Variants in FAM107B observed in about 807,000 individuals in gnomAD.
FAM107B encodes the protein family with sequence similarity 107 member B, also known as protein FAM107B.
A neutral mutation model predicts 31.5 loss-of-function variants in FAM107B; 21 were observed. The ratio of observed to expected loss-of-function variants is 0.67; its 90% CI spans 0.47 to 0.96. FAM107B has a LOEUF of 0.96. Among genes scored for constraint, FAM107B ranks in the 40% least tolerant of loss-of-function variants. The pLI, the probability that FAM107B is intolerant of heterozygous loss-of-function variation, is 0.00. For synonymous variants in FAM107B, 157 were observed against 141.5 expected (o/e 1.11, Z -0.78); for missense variants, 452 against 377.1 (o/e 1.20, Z -1.64).
At chr10:14,707,588 C>T (rs914578095) in intron 1 of FAM107B, among the ~76,000 whole-genome samples, 4 of 152,188 alleles carry the variant, frequency 2.6e-5, no homozygotes, top group African/African-American at 9.6e-5. Context: ...TATTGTAACT[C>T]ACAGGGCATG....
intron 1 of FAM107B, among the ~76,000 whole-genome samples, chr10:14,734,488 G>GTGTTTTTTTTTTTTTTTTTTTTT: frequency 7.2e-6 from 1 of 138,546 alleles, no homozygotes; most frequent in Non-Finnish European, 1.6e-5. Flanking sequence ...TTTTTGTGAG[G>GTGTTTTTTTTTTTTTTTTTTTTT]TTTTTTTTTT....
At chr10:14,670,639 C>A (rs1854517509) in intron 1 of FAM107B, among the ~76,000 whole-genome samples, 1 of 152,182 alleles carries the variant, frequency 6.6e-6, no homozygotes, top group South Asian at 2.1e-4. Context: ...GCTCTGAATT[C>A]CAGAACTGTG....
intron 2 of FAM107B, among the ~76,000 whole-genome samples, chr10:14,539,451 C>CTA (rs1334550434): frequency 6.6e-6 from 1 of 151,954 alleles, no homozygotes; most frequent in African/African-American, 2.4e-5. Flanking sequence ...GAGGCATTTT[C>CTA]TATATTGTCC....
chr10:14,637,120 A>G (rs748056230), intron 2 of FAM107B, among the ~76,000 whole-genome samples: 1 of 152,148 alleles, frequency 6.6e-6, no homozygotes, highest in Admixed American at 6.5e-5. Flanking sequence ...GAGACAAACA[A>G]GCTTCATCGG....
intron 1 of FAM107B, among the ~76,000 whole-genome samples, chr10:14,767,296 T>C (rs1833202880): frequency 6.6e-6 from 1 of 151,362 alleles, no homozygotes; most frequent in Non-Finnish European, 1.5e-5. Context: ...TTCACCATGC[T>C]GGCCAGGCTG....
chr10:14,666,409 C>T (rs1340933847), intron 2 of FAM107B, among the ~76,000 whole-genome samples: 1 of 152,112 alleles, frequency 6.6e-6, no homozygotes, highest in African/African-American at 2.4e-5. Context: ...CATGAGAACT[C>T]ACTCACTATC....
At chr10:14,559,238 G>A (rs1215738973) in intron 2 of FAM107B, among the ~76,000 whole-genome samples, 1 of 152,186 alleles carries the variant, frequency 6.6e-6, no homozygotes, top group Admixed American at 6.5e-5. Context: ...AGGGCAGGAC[G>A]GGGAGAACTG....
chr10:14,607,643 A>T (rs1482544409), intron 2 of FAM107B, among the ~76,000 whole-genome samples: 2 of 152,178 alleles, frequency 1.3e-5, no homozygotes, highest in African/African-American at 2.4e-5. Flanking sequence ...GAATGTAGAC[A>T]GGACTCTGGA....
intron 2 of FAM107B, among the ~76,000 whole-genome samples, chr10:14,658,415 T>C (rs988871005): frequency 2.0e-5 from 3 of 152,248 alleles, no homozygotes; most frequent in Non-Finnish European, 2.9e-5. Context: ...GTCTGACCCA[T>C]GTCTGACTCA....
At chr10:14,528,559 T>C (rs1846588650) in intron 3 of FAM107B, among the ~76,000 whole-genome samples, 1 of 152,154 alleles carries the variant, frequency 6.6e-6, no homozygotes, top group African/African-American at 2.4e-5. Flanking sequence ...GGGGATACCT[T>C]GGCCAAGATC....
intron 1 of FAM107B, among the ~76,000 whole-genome samples, chr10:14,714,520 C>T (rs112847614): frequency 7.9e-5 from 12 of 152,338 alleles, no homozygotes; most frequent in African/African-American, 1.7e-4. Context: ...TGCTGCCACA[C>T]CTCAGTAGAC....
intron 1 of FAM107B, among the ~76,000 whole-genome samples, chr10:14,693,654 G>GT (rs945104413): frequency 2.0e-4 from 31 of 151,920 alleles, no homozygotes; most frequent in Middle Eastern, 3.4e-3. Flanking sequence ...ATACAGTACA[G>GT]TTTTTTTTAG....
chr10:14,774,392 C>T lies in FAM107B; in HGVS notation c.272G>A (p.Arg91Gln), dbSNP rs757540232. Residue 91 changes from arginine (R) to glutamine (Q), a missense_variant, in exon 1 of 5, where the codon CGG (arginine) becomes CAG (glutamine). Transcript: ENST00000181796. ...THAERNGSANRNSSHRTAAQP... is the reference protein window; with the variant it reads ...THAERNGSANQNSSHRTAAQP... ...GGCCGCAGTGCGGTGACTTGAATTC[C>T]GATTCGCACTGCCATTTCTCTCTGC... 4 of 1,614,210 alleles carry T rather than the reference C, an allele frequency of 2.5e-6. No homozygotes were observed. Among genetic ancestry groups the T allele is most frequent in the African/African-American group, 1.3e-5 (1 of 75,056 alleles).
intron 1 of FAM107B, among the ~76,000 whole-genome samples, chr10:14,764,578 T>C (rs1025561869): frequency 1.3e-5 from 2 of 152,170 alleles, no homozygotes; most frequent in South Asian, 2.1e-4. Flanking sequence ...CAATCTTATA[T>C]TGGAAAAAGT....
rs1017018937 is a variant in FAM107B at position 14,519,563 on chromosome 10, A to T, written c.*1627T>A. 2.6e-5 allele frequency: 4 copies of T among 152,258 alleles called. No homozygotes were observed. Among genetic ancestry groups the T allele is most frequent in the Admixed American group, 2.6e-4 (4 of 15,290 alleles). The allele number at this position is 152,258 out of a possible 1,614,324, so 9.4% of individuals were successfully genotyped here. Reference sequence around the variant, plus strand: ...TTCAAATAATACTTGCTGATGAGATAAATAATCCATTTCAGGTATAATCAA... The same window carrying T: ...TTCAAATAATACTTGCTGATGAGATTAATAATCCATTTCAGGTATAATCAA... On this transcript the variant is annotated 3_prime_UTR_variant, in exon 5 of 5. Transcript: ENST00000181796.
intron 2 of FAM107B, among the ~76,000 whole-genome samples, chr10:14,586,707 T>C (rs1432156505): frequency 6.6e-6 from 1 of 152,206 alleles, no homozygotes; most frequent in East Asian, 1.9e-4. Context: ...AAATAAATGC[T>C]GTTTAAGCCA....
intron 1 of FAM107B, among the ~76,000 whole-genome samples, chr10:14,676,111 A>G (rs138292406): frequency 6.6e-6 from 1 of 152,274 alleles, no homozygotes; most frequent in Admixed American, 6.5e-5. Flanking sequence ...GTGAGCCAAG[A>G]TCATGCGACT....
chr10:14,677,169 C>A (rs1304702720), intron 1 of FAM107B, among the ~76,000 whole-genome samples: 2 of 152,100 alleles, frequency 1.3e-5, no homozygotes, highest in African/African-American at 4.8e-5. Context: ...CTCCATTTCC[C>A]AGTGGCCTTT....
At chr10:14,737,558 G>T (rs1856329832) in intron 1 of FAM107B, among the ~76,000 whole-genome samples, 1 of 152,092 alleles carries the variant, frequency 6.6e-6, no homozygotes, top group Non-Finnish European at 1.5e-5. Flanking sequence ...AGGTTGCAGT[G>T]AGCTGGGATC....
Sources: gnomAD v4.1 joint callset for allele counts (sites outside exome capture counted in the v4.1 genomes callset) on GRCh38, gnomAD v4.1.1 for gene constraint, MANE v1.5 for transcripts, NCBI Gene and HGNC (gene_info 2026-07-23, HGNC 2026-07-21) for gene names.